Variants in LDLRAP1 observed in about 807,000 individuals in gnomAD.
LDLRAP1 encodes the protein low density lipoprotein receptor adaptor protein 1.
In LDLRAP1, 30 loss-of-function variants were observed where a neutral mutation model predicts 37.8. That is an observed-to-expected ratio of 0.79 (90% confidence interval 0.59 to 1.08). LDLRAP1 has a LOEUF of 1.08. LDLRAP1 is among the 50% of genes least tolerant of loss of function. The pLI is 0.00. For missense variants in LDLRAP1, 375 were observed against 401.6 expected (o/e 0.93, Z 0.57); for synonymous variants, 156 against 169.8 (o/e 0.92, Z 0.63).
In LDLRAP1 at chr1:25,563,135, A is replaced by AC. The variant is rs781585299; in HGVS notation, c.603dup (p.Ser202LeufsTer19). 54 of 1,609,576 alleles carry AC rather than the reference A, an allele frequency of 3.4e-5. No homozygotes were observed. Among genetic ancestry groups the AC allele is most frequent in the East Asian group, 4.5e-5 (2 of 44,806 alleles). Reference sequence around the variant, plus strand: ...CGTCCTGGGGGCCCGCCAAGACTGCACCCCCTCCTTGAAGAGCTGTGAGTC... The same window carrying AC: ...CGTCCTGGGGGCCCGCCAAGACTGCACCCCCCTCCTTGAAGAGCTGTGAGTC... On this transcript the variant is annotated frameshift_variant, in exon 6 of 9. Transcript: ENST00000374338. LOFTEE classifies it high-confidence loss of function.
At chr1:25,565,554 T>G (rs1411308039) in intron 8 of LDLRAP1, among the ~76,000 whole-genome samples, 1 of 152,146 alleles carries the variant, frequency 6.6e-6, no homozygotes, top group East Asian at 1.9e-4. Context: ...CTTTTTTTTT[T>G]TTTTACAGGC....
chr1:25,580,636 G>A, the LDLRAP1 span, among the ~76,000 whole-genome samples: 1 of 152,260 alleles, frequency 6.6e-6, no homozygotes, highest in East Asian at 1.9e-4. Flanking sequence ...AGCCCCCCAA[G>A]TAGCTGGGAC....
At chr1:25,563,025 G>A (rs2044381471) in intron 5 of LDLRAP1, 45 bp from the exon 6 acceptor site, 2 of 1,565,918 alleles carry the variant, frequency 1.3e-6, no homozygotes, top group East Asian at 2.2e-5. Flanking sequence ...TGGGGACAGA[G>A]TGCTGGGGTC....
the LDLRAP1 span, among the ~76,000 whole-genome samples, chr1:25,584,751 C>T: frequency 1.3e-3 from 191 of 152,306 alleles, no homozygotes; most frequent in African/African-American, 4.4e-3. Context: ...TCTCGGCAAG[C>T]CCTAGAGGGA....
chr1:25,584,904 C>G, the LDLRAP1 span, among the ~76,000 whole-genome samples: 7 of 152,176 alleles, frequency 4.6e-5, no homozygotes, highest in African/African-American at 1.7e-4. Context: ...TAACCCCAGC[C>G]TCATGTTACA....
intron 7 of LDLRAP1, chr1:25,564,115 AC>A: frequency 2.8e-6 from 1 of 363,126 alleles, no homozygotes; most frequent in Non-Finnish European, 5.3e-6. Flanking sequence ...CGCTCCTACC[AC>A]CCCTCCCCCT....
intron 8 of LDLRAP1, among the ~76,000 whole-genome samples, chr1:25,565,557 T>G (rs2044457400): frequency 6.6e-6 from 1 of 152,094 alleles, no homozygotes; most frequent in Non-Finnish European, 1.5e-5. Context: ...TTTTTTTTTT[T>G]TACAGGCTTT....
At chr1:25,558,588 T>C (rs763940174) in intron 4 of LDLRAP1, among the ~76,000 whole-genome samples, 5 of 152,174 alleles carry the variant, frequency 3.3e-5, no homozygotes, top group Non-Finnish European at 5.9e-5. Context: ...ACTGATCACC[T>C]GCATTTCCAG....
intron 8 of LDLRAP1, among the ~76,000 whole-genome samples, 164 bp from the exon 9 acceptor site, chr1:25,566,684 C>G (rs898711218): frequency 6.6e-6 from 1 of 152,180 alleles, no homozygotes; most frequent in Non-Finnish European, 1.5e-5. Flanking sequence ...GTTTGACTCT[C>G]AAGGGGAGGT....
Position 25,554,903 on chromosome 1 carries a change from TG to T in LDLRAP1, c.276del (p.Ser93ArgfsTer7), listed in dbSNP as rs765048446. The T allele has an allele frequency of 1.9e-6, 3 of 1,614,092 alleles. No individual in the cohort carries two copies. The African/African-American group carries it at 4.0e-5, about 22-fold the overall frequency. ...GKKLQKVTLK[V>X]SPRGIILTDN... is the part of the protein sequence containing the mutation. ...AAGCTGCAGAAGGTGACTCTGAAGG[TG>T]TCGCCACGGGGAATTATCCTGACAG... On this transcript the variant is annotated frameshift_variant, in exon 3 of 9. Coordinates refer to ENST00000374338, the MANE Select transcript of LDLRAP1 (RefSeq NM_015627.3). LOFTEE classifies it high-confidence loss of function. This position sits in a 1 kb window ranked among gnomAD's most constrained non-coding sequence, Gnocchi z 5.4.
Position 25,543,732 on chromosome 1 carries a change from A to T in LDLRAP1, c.34A>T (p.Ile12Phe). The change falls in exon 1 of 9, where the codon ATC (isoleucine) becomes TTC (phenylalanine). Residue 12 changes from isoleucine to phenylalanine, a missense_variant. Coordinates refer to ENST00000374338, the MANE Select transcript of LDLRAP1 (RefSeq NM_015627.3). ...GCTCAAGTCGGCGGGGCGGGCGCTGATCCGGAGCCCCAGCTTGGCCAAGCA... is the reference window on the plus strand; with the variant it reads ...GCTCAAGTCGGCGGGGCGGGCGCTGTTCCGGAGCCCCAGCTTGGCCAAGCA... Reference protein sequence around the residue: ...DALKSAGRALIRSPSLAKQSW... With the variant: ...DALKSAGRALFRSPSLAKQSW... 1 of 1,212,972 alleles carries T rather than the reference A, an allele frequency of 8.2e-7. No homozygotes were observed. The highest frequency in any genetic ancestry group is 1.0e-6 in the Non-Finnish European group (1 of 975,956). 75.1% of individuals were successfully genotyped at this position (1,212,972 alleles called of 1,614,324 possible). A position where few individuals can be genotyped will look rare whatever the true frequency, so the allele number is the denominator to read the frequency against.
At chr1:25,551,836 G>A (rs532355824) in intron 1 of LDLRAP1, among the ~76,000 whole-genome samples, 101 of 152,116 alleles carry the variant, frequency 6.6e-4, no homozygotes, top group Non-Finnish European at 1.4e-3. Context: ...CTGGGGATGG[G>A]ATGGGGTTGT....
Position 25,566,977 on chromosome 1 carries a change from C to A in LDLRAP1, c.912C>A (p.Asp304Glu), listed in dbSNP as rs773889104. 2.5e-6 allele frequency: 4 copies of A among 1,613,330 alleles called. No homozygotes were observed. The East Asian group carries it at 8.9e-5, about 36-fold the overall frequency. The change falls in exon 9 of 9, where the codon GAC (aspartate) becomes GAA (glutamate). Residue 304 changes from aspartate to glutamate, a missense_variant. By Grantham distance (45) the Asp-to-Glu change is conservative. Transcript: ENST00000374338. ...KPDSSGTEQD[D>E]LFSF ...ACAGCAGCGGCACAGAGCAGGATGA[C>A]CTCTTCAGCTTCTGAGGGCCCGGGG...
At chr1:25,563,640 A>C (rs780616142) in intron 6 of LDLRAP1, 21 bp from the exon 7 acceptor site, 28 of 1,612,594 alleles carry the variant, frequency 1.7e-5, no homozygotes, top group South Asian at 5.5e-5. Context: ...CCCACTGACA[A>C]CCTGACCGGA....
downstream of LDLRAP1, among the ~76,000 whole-genome samples, chr1:25,573,573 C>A (rs2044633325): frequency 6.6e-6 from 1 of 152,154 alleles, no homozygotes. Context: ...ATGCAGCAGA[C>A]CCCCTGGCAC....
At chr1:25,556,614 G>A (rs2044206788) in intron 3 of LDLRAP1, among the ~76,000 whole-genome samples, 1 of 152,200 alleles carries the variant, frequency 6.6e-6, no homozygotes, top group Non-Finnish European at 1.5e-5. Flanking sequence ...GGGCATTGGT[G>A]AGCAGGGGAG....
the LDLRAP1 span, among the ~76,000 whole-genome samples, chr1:25,580,793 G>A: frequency 9.2e-5 from 14 of 152,186 alleles, no homozygotes; most frequent in African/African-American, 3.4e-4. Flanking sequence ...TTACAGGTGT[G>A]AGCCACTGCA....
rs1400865373 is a variant in LDLRAP1 at position 25,568,830 on chromosome 1, T to C, written c.*1838T>C. On this transcript the variant is annotated 3_prime_UTR_variant, in exon 9 of 9. Coordinates refer to ENST00000374338, the MANE Select transcript of LDLRAP1 (RefSeq NM_015627.3). The stretch of plus-strand genomic sequence containing the variant: ...GCAGACAAGTCTTGCTGTGCTTTAT[T>C]TGTGAAACTTTAATGAGGAAAAAAC... 6.6e-6 allele frequency: 1 copy of C among 152,252 alleles called. No individual in the cohort carries two copies. Among genetic ancestry groups the C allele is most frequent in the African/African-American group, 2.4e-5 (1 of 41,474 alleles). The allele number at this position is 152,252 out of a possible 1,614,324, so 9.4% of individuals were successfully genotyped here.
intron 8 of LDLRAP1, among the ~76,000 whole-genome samples, chr1:25,565,650 A>G (rs1049331327): frequency 6.6e-6 from 1 of 152,104 alleles, no homozygotes; most frequent in Non-Finnish European, 1.5e-5. Context: ...ATAGCAGGGA[A>G]GGTCAGGCAC....
Sources: gnomAD v4.1 joint callset for allele counts (sites outside exome capture counted in the v4.1 genomes callset) on GRCh38, gnomAD v4.1.1 for gene constraint, Gnocchi (gnomAD v3.1) non-coding constraint, MANE v1.5 for transcripts, NCBI Gene and HGNC (gene_info 2026-07-23, HGNC 2026-07-21) for gene names.